MARVELD3: variants seen among roughly 807,000 people sequenced by gnomAD.
MARVELD3 encodes the protein MARVEL domain containing 3.
MARVELD3 carries 28 observed loss-of-function variants against 33.5 expected under a neutral mutation model. That is an observed-to-expected ratio of 0.84 (90% CI 0.62 to 1.15). MARVELD3 has a LOEUF of 1.15. Among genes scored for constraint, MARVELD3 ranks in the 50% most tolerant of loss-of-function variants. MARVELD3 has a pLI of 0.00. For synonymous variants in MARVELD3, 241 were observed against 230.4 expected, an observed-to-expected ratio of 1.05 and a Z score of -0.42; for missense variants, 582 against 547.6, an observed-to-expected ratio of 1.06 and a Z score of -0.63.
downstream of MARVELD3, chr16:71,640,490 C>T (rs372495610): frequency 1.3e-5 from 21 of 1,613,984 alleles, no homozygotes; most frequent in Admixed American, 5.0e-5. Context: ...GCTTTTCCAG[C>T]GGCGGTGGCT....
At chr16:71,640,279 A>C, downstream of MARVELD3, 2 of 1,300,788 alleles carry the variant, frequency 1.5e-6, no homozygotes, top group Admixed American at 4.5e-5. Context: ...AAAAAAAAAA[A>C]AGTTGACATT....
Position 71,635,322 on chromosome 16 carries a change from C to A in MARVELD3, c.*519C>A. 1 of 971,590 alleles carries A rather than the reference C, an allele frequency of 1.0e-6. No homozygotes were observed. Among genetic ancestry groups the A allele is most frequent in the Non-Finnish European group, 1.2e-6 (1 of 819,482 alleles). 60.2% of individuals were successfully genotyped at this position (971,590 alleles called of 1,614,324 possible). On this transcript the variant is annotated 3_prime_UTR_variant, in exon 3 of 3. Transcript: ENST00000268485. ...CCAGCCCAGGTGACAGAGCGAGACT[C>A]CATCTCAAAAAAAAAAAAAAGCAAA...
Position 71,631,709 on chromosome 16 carries a change from G to C in MARVELD3, c.595+2215G>C, listed in dbSNP as rs755640633. Among the ~76,000 whole-genome samples, 83 of 152,218 alleles carry C rather than the reference G, an allele frequency of 5.5e-4. No homozygotes were observed. The Middle Eastern group carries it at 0.01, about 19-fold the overall frequency. On this transcript the variant is annotated intron_variant, in intron 2 of 2. Transcript: ENST00000268485. ...GATCTGCCCGCCTTGGCCTCCCAAAGTGCTAGGATTACAGGCATGAGCCAC... is the reference window on the plus strand; with the variant it reads ...GATCTGCCCGCCTTGGCCTCCCAAACTGCTAGGATTACAGGCATGAGCCAC...
rs1449996790 is a variant in MARVELD3 at position 71,634,726 on chromosome 16, G to C, written c.1129G>C (p.Gly377Arg). ...AALGIVVFAL[G>R]AVLAIKGYRK... Reference sequence around the variant, plus strand: ...CCTGGGCATTGTGGTCTTTGCCCTGGGGGCTGTCCTGGCCATAAAGGGCTA... The same window carrying C: ...CCTGGGCATTGTGGTCTTTGCCCTGCGGGCTGTCCTGGCCATAAAGGGCTA... Residue 377 changes from glycine (G) to arginine (R), a missense_variant, in exon 3 of 3, where the codon GGG becomes CGG. Transcript: ENST00000268485. The C allele has an allele frequency of 6.2e-7, 1 of 1,614,198 alleles. No homozygotes were observed. Among genetic ancestry groups the C allele is most frequent in the Non-Finnish European group, 8.5e-7 (1 of 1,180,032 alleles).
intron 2 of MARVELD3, among the ~76,000 whole-genome samples, chr16:71,633,981 C>T (rs2044557075): frequency 6.6e-6 from 1 of 152,074 alleles, no homozygotes; most frequent in Admixed American, 6.6e-5. Flanking sequence ...TGAGAGTCAC[C>T]CCTCTGAGTC....
intron 1 of MARVELD3, chr16:71,628,993 A>C: frequency 5.6e-6 from 1 of 177,340 alleles, no homozygotes; most frequent in Non-Finnish European, 1.2e-5. Context: ...AAAGGGAGGA[A>C]GAGAATGCCT....
chr16:71,629,246 G>T (rs1003013524), intron 1 of MARVELD3, 121 bp from the exon 2 acceptor site: 3 of 1,172,484 alleles, frequency 2.6e-6, no homozygotes, highest in East Asian at 5.8e-5. Context: ...TTAAAATACC[G>T]GGACAAATTC....
At chr16:71,638,322 A>G (rs2044594848), downstream of MARVELD3, 1 of 152,316 alleles carries the variant, frequency 6.6e-6, no homozygotes, top group Non-Finnish European at 1.5e-5. Flanking sequence ...CCATCCATAC[A>G]ATGAAGTCGA....
rs1374302785 is a variant in MARVELD3 at position 71,626,263 on chromosome 16, GC to G, written c.37del (p.Arg13GlyfsTer110). The G allele has an allele frequency of 2.6e-6, 4 of 1,529,146 alleles. No homozygotes were observed. In the East Asian group the frequency reaches 7.4e-5, roughly 28 times the overall value. The allele number at this position is 1,529,146 out of a possible 1,614,324, so 94.7% of individuals were successfully genotyped here. On this transcript the variant is annotated frameshift_variant, in exon 1 of 3. Coordinates refer to ENST00000268485, the MANE Select transcript of MARVELD3 (RefSeq NM_052858.6). LOFTEE classifies it high-confidence loss of function. This position sits in a 1 kb window ranked among gnomAD's most constrained non-coding sequence, Gnocchi z 5.3. ...EDPSGAREPR[A>X]RPRERDPGRR... ...TCCGTCGGGGGCTCGCGAGCCCCGG[GC>G]CCGGCCGAGAGAGCGGGACCCGGGA...
At chr16:71,629,153 C>A in intron 1 of MARVELD3, 1 of 505,310 alleles carries the variant, frequency 2.0e-6, no homozygotes, top group East Asian at 3.7e-5. Flanking sequence ...GTACCAATCA[C>A]AGCATCTGTC....
rs73576292 is a variant in MARVELD3 at position 71,635,628 on chromosome 16, A to G, written c.*825A>G. 544 of 985,074 alleles carry G rather than the reference A, an allele frequency of 5.5e-4. No individual in the cohort carries two copies. In the African/African-American group the frequency reaches 7.2e-3, roughly 13 times the overall value. 61.0% of individuals were successfully genotyped at this position (985,074 alleles called of 1,614,324 possible). ...TTGCCAAAATACCAAAAAAAAAAAA[A>G]GTTCATGGAGAGCCACATAGACATG... On this transcript the variant is annotated 3_prime_UTR_variant, in exon 3 of 3. Coordinates refer to ENST00000268485, the MANE Select transcript of MARVELD3 (RefSeq NM_052858.6).
downstream of MARVELD3, chr16:71,641,125 A>C: frequency 7.1e-7 from 1 of 1,413,652 alleles, no homozygotes; most frequent in Non-Finnish European, 9.6e-7. Flanking sequence ...CACACACTTG[A>C]CTTTATAAAT....
At chr16:71,640,263 T>C, downstream of MARVELD3, 2 of 895,224 alleles carry the variant, frequency 2.2e-6, no homozygotes, top group Non-Finnish European at 3.3e-6. Context: ...TGACACCGTC[T>C]CAAAAAAAAA....
rs1031475595 is a variant in MARVELD3, at chr16:71,635,660, C to T, written c.*857C>T. 1 of 985,024 alleles carries T rather than the reference C, an allele frequency of 1.0e-6. No individual in the cohort carries two copies. The highest frequency in any genetic ancestry group is 1.2e-6 in the Non-Finnish European group (1 of 829,920). The allele number at this position is 985,024 out of a possible 1,614,324, so 61.0% of individuals were successfully genotyped here. On this transcript the variant is annotated 3_prime_UTR_variant, in exon 3 of 3. Transcript: ENST00000268485. Reference sequence around the variant, plus strand: ...GGAGAGCCACATAGACATGAGACCACACTTCAGCCTGAATTTTTCTAAAAC... The same window carrying T: ...GGAGAGCCACATAGACATGAGACCATACTTCAGCCTGAATTTTTCTAAAAC...
chr16:71,632,060 G>A (rs1380302045), intron 2 of MARVELD3, among the ~76,000 whole-genome samples: 1 of 152,132 alleles, frequency 6.6e-6, no homozygotes. Context: ...CACACAAAAG[G>A]ACATAACCGT....
chr16:71,635,504 G>A lies in MARVELD3; in HGVS notation c.*701G>A. ...CACCTGTAATCCCAGAGCTTTGGGA[G>A]GCTGAGGTAGGAGGATTGCTTGAAC... On this transcript the variant is annotated 3_prime_UTR_variant, in exon 3 of 3. Transcript: ENST00000268485. 1 of 984,532 alleles carries A rather than the reference G, an allele frequency of 1.0e-6. No homozygotes were observed. The highest frequency in any genetic ancestry group is 1.2e-6 in the Non-Finnish European group (1 of 829,322). The allele number at this position is 984,532 out of a possible 1,614,324, so 61.0% of individuals were successfully genotyped here.
downstream of MARVELD3, chr16:71,641,046 T>G (rs2044615705): frequency 1.3e-6 from 2 of 1,582,604 alleles, no homozygotes; most frequent in African/African-American, 1.4e-5. Flanking sequence ...GGAACCTAAA[T>G]GTGAACGCAC....
downstream of MARVELD3, among the ~76,000 whole-genome samples, chr16:71,639,912 G>A (rs2044605137): frequency 6.6e-6 from 1 of 152,168 alleles, no homozygotes; most frequent in African/African-American, 2.4e-5. Flanking sequence ...TGTTTTCAGA[G>A]TGGTAATTTG....
downstream of MARVELD3, chr16:71,641,121 C>A: frequency 7.0e-7 from 1 of 1,429,162 alleles, no homozygotes; most frequent in Non-Finnish European, 9.4e-7. Flanking sequence ...TTTTCACACA[C>A]TTGACTTTAT....
Sources: allele counts gnomAD v4.1 joint callset (sites outside exome capture counted in the v4.1 genomes callset), GRCh38; gene constraint gnomAD v4.1.1; non-coding constraint Gnocchi (gnomAD v3.1); transcripts MANE v1.5; gene names NCBI Gene and HGNC (gene_info 2026-07-23, HGNC 2026-07-21).